CENPP: variants seen among roughly 807,000 people sequenced by gnomAD.
The protein encoded by CENPP is centromere protein P.
Under a neutral mutation model 35.6 loss-of-function variants are expected in CENPP, and 24 were observed. That is an observed-to-expected ratio of 0.67 (90% CI 0.49 to 0.95). The LOEUF is 0.95. Among genes scored for constraint, CENPP ranks in the 40% least tolerant of loss-of-function variants. The probability of loss-of-function intolerance (pLI) is 0.00; values close to 1 mark genes in which losing one functional copy is unlikely to be tolerated. For synonymous variants in CENPP, 120 were observed against 125.5 expected (o/e 0.96, Z 0.29); for missense variants, 332 against 345.3 (o/e 0.96, Z 0.31).
intron 5 of CENPP, among the ~76,000 whole-genome samples, chr9:92,588,495 C>T (rs1453722691): frequency 3.3e-5 from 5 of 151,826 alleles, no homozygotes; most frequent in African/African-American, 9.7e-5. Flanking sequence ...CCTCGTGATC[C>T]GCCCACCTCA....
chr9:92,402,771 A>C (rs556734441), intron 5 of CENPP, among the ~76,000 whole-genome samples: 1 of 152,346 alleles, frequency 6.6e-6, no homozygotes. Flanking sequence ...TTATTGTGGA[A>C]TGCTATTGAT....
intron 5 of CENPP, among the ~76,000 whole-genome samples, chr9:92,469,503 A>AC (rs759552346): frequency 3.9e-5 from 6 of 151,944 alleles, no homozygotes; most frequent in Non-Finnish European, 7.4e-5. Context: ...AGGCATGGTG[A>AC]CCCCACATCT....
At chr9:92,472,083 G>A (rs555181456) in intron 5 of CENPP, among the ~76,000 whole-genome samples, 1 of 152,318 alleles carries the variant, frequency 6.6e-6, no homozygotes, top group East Asian at 1.9e-4. Context: ...CAGGCATGGT[G>A]CCTTACGCCT....
In CENPP at chr9:92,332,282, A is replaced by T; in HGVS notation, c.220A>T (p.Thr74Ser). Residue 74 changes from threonine (T) to serine (S), a missense_variant, in exon 2 of 8, where the codon ACT (threonine) becomes TCT (serine). Transcript: ENST00000375587. ...ESELSFLSTL[T>S]GINIRNHSKQ... ...AGAACTTTCATTTCTAAGTACGCTT[A>T]CTGGCATCAATATAAGAAATCACTC... 6.2e-7 allele frequency: 1 copy of T among 1,612,784 alleles called. No individual in the cohort carries two copies. Among genetic ancestry groups the T allele is most frequent in the African/African-American group, 1.3e-5 (1 of 75,002 alleles).
At chr9:92,534,867 G>A (rs1484151830) in intron 5 of CENPP, among the ~76,000 whole-genome samples, 1 of 152,180 alleles carries the variant, frequency 6.6e-6, no homozygotes, top group East Asian at 1.9e-4. Context: ...ACAATTGTAT[G>A]TGCAGACCTT....
intron 4 of CENPP, among the ~76,000 whole-genome samples, chr9:92,357,357 C>T (rs1340430227): frequency 6.6e-6 from 1 of 151,732 alleles, no homozygotes; most frequent in African/African-American, 2.4e-5. Flanking sequence ...TAACCAACTC[C>T]CTCAACTTTT....
chr9:92,325,973 G>A lies in CENPP; in HGVS notation c.-26G>A, dbSNP rs142766418. 22 of 1,540,250 alleles carry A rather than the reference G, an allele frequency of 1.4e-5. No homozygotes were observed. In the South Asian group the frequency reaches 2.5e-4, roughly 18 times the overall value. ...AGGTCGGAGTGACAGCTGCGCTGCC[G>A]GCCCGGCTGCGGTCAGCAACGCGCC... On this transcript the variant is annotated 5_prime_UTR_variant, in exon 1 of 8. Transcript: ENST00000375587.
intron 5 of CENPP, chr9:92,417,210 G>A: frequency 6.2e-7 from 1 of 1,613,994 alleles, no homozygotes; most frequent in Non-Finnish European, 8.5e-7. Flanking sequence ...ATTTCTTTAA[G>A]ATGAGTTGCA....
At chr9:92,516,067 TTTTTTCC>T (rs1045230364) in intron 5 of CENPP, among the ~76,000 whole-genome samples, 8 of 142,518 alleles carry the variant, frequency 5.6e-5, no homozygotes, top group Non-Finnish European at 8.0e-5. Context: ...GTGCATACTT[TTTTTTCC>T]CCCCCCCGAG....
intron 5 of CENPP, among the ~76,000 whole-genome samples, chr9:92,402,104 A>C (rs72752457): frequency 0.031 from 4,677 of 152,316 alleles, 112 homozygotes; most frequent in South Asian, 0.084. Flanking sequence ...AGAGAAAAAT[A>C]ATCTCTAAAC....
intron 5 of CENPP, among the ~76,000 whole-genome samples, chr9:92,409,512 C>T (rs566138564): frequency 2.0e-5 from 3 of 152,156 alleles, no homozygotes; most frequent in Non-Finnish European, 4.4e-5. Context: ...CTTGAGAAAT[C>T]GAGTGAAAAT....
chr9:92,375,851 ATTTCT>A (rs148941628), intron 4 of CENPP, among the ~76,000 whole-genome samples: 17,170 of 130,880 alleles, frequency 0.13, 1,021 homozygotes, highest in Middle Eastern at 0.17. Flanking sequence ...GTTTCTGTTA[ATTTCT>A]TTTTTTTTTT....
chr9:92,391,441 A>G (rs1842681454), intron 5 of CENPP, among the ~76,000 whole-genome samples: 1 of 151,550 alleles, frequency 6.6e-6, no homozygotes, highest in Non-Finnish European at 1.5e-5. Context: ...TTAAATTACA[A>G]TAAAACAAGT....
intron 5 of CENPP, among the ~76,000 whole-genome samples, chr9:92,419,223 GC>G (rs1430818952): frequency 6.6e-6 from 1 of 150,892 alleles, no homozygotes; most frequent in African/African-American, 2.4e-5. Context: ...TCTGCCTCTT[GC>G]CTCATCAATA....
chr9:92,350,793 A>T (rs1363587487), intron 4 of CENPP, among the ~76,000 whole-genome samples: 1 of 152,192 alleles, frequency 6.6e-6, no homozygotes, highest in Non-Finnish European at 1.5e-5. Context: ...CTTTGTGTTA[A>T]TTCAGCTATT....
At chr9:92,430,427 C>CT (rs532075673) in intron 5 of CENPP, among the ~76,000 whole-genome samples, 3,126 of 142,948 alleles carry the variant, frequency 0.022, 106 homozygotes, top group African/African-American at 0.072. Context: ...TCTTCTCTCT[C>CT]TTTTTTTTTT....
At chr9:92,565,008 A>G (rs1849931245) in intron 5 of CENPP, among the ~76,000 whole-genome samples, 1 of 152,206 alleles carries the variant, frequency 6.6e-6, no homozygotes, top group South Asian at 2.1e-4. Context: ...AAAATTACAA[A>G]TAACCCAAAT....
intron 5 of CENPP, among the ~76,000 whole-genome samples, chr9:92,491,380 C>G (rs1846168682): frequency 6.6e-6 from 1 of 152,090 alleles, no homozygotes; most frequent in African/African-American, 2.4e-5. Flanking sequence ...TGGAAGCTGG[C>G]TCTGTAAGGT....
chr9:92,421,855 G>T (rs1170408474), intron 5 of CENPP, among the ~76,000 whole-genome samples: 1 of 152,118 alleles, frequency 6.6e-6, no homozygotes, highest in Non-Finnish European at 1.5e-5. Flanking sequence ...TTATAGCAGA[G>T]ATAGGCAATG....
Sources: gnomAD v4.1 joint callset for allele counts (sites outside exome capture counted in the v4.1 genomes callset) on GRCh38, gnomAD v4.1.1 for gene constraint, MANE v1.5 for transcripts, NCBI Gene and HGNC (gene_info 2026-07-23, HGNC 2026-07-21) for gene names.